MTCL3: variants seen among roughly 807,000 people sequenced by gnomAD.
MTCL3 encodes the protein MTCL family member 3.
At chr6:127,477,792 C>T in the MTCL3 span, among the ~76,000 whole-genome samples, 3 of 152,140 alleles carry the variant, frequency 2.0e-5, no homozygotes, top group Admixed American at 1.3e-4. Flanking sequence ...ATACTTATAT[C>T]AGTCCTTCAA....
the MTCL3 span, chr6:127,516,257 G>A: frequency 6.8e-7 from 1 of 1,468,256 alleles, no homozygotes; most frequent in Non-Finnish European, 8.9e-7. Context: ...CCAGCCACAG[G>A]CTGGACAGCT....
At chr6:127,487,177 T>C in the MTCL3 span, among the ~76,000 whole-genome samples, 1 of 152,172 alleles carries the variant, frequency 6.6e-6, no homozygotes, top group Non-Finnish European at 1.5e-5. Context: ...AGGATGCAAA[T>C]TAGCCAGTTT....
chr6:127,505,991 T>C, the MTCL3 span, among the ~76,000 whole-genome samples: 1 of 152,178 alleles, frequency 6.6e-6, no homozygotes, highest in Non-Finnish European at 1.5e-5. Context: ...AAATGATATA[T>C]TTATAGGAAG....
chr6:127,492,530 T>C, the MTCL3 span, among the ~76,000 whole-genome samples: 2 of 152,284 alleles, frequency 1.3e-5, no homozygotes, highest in South Asian at 4.1e-4. Context: ...CCAGAAATTT[T>C]TTATTTTTAA....
chr6:127,498,383 ATCATTTGATGCCCAG>A, the MTCL3 span, among the ~76,000 whole-genome samples: 1 of 152,216 alleles, frequency 6.6e-6, no homozygotes, highest in Non-Finnish European at 1.5e-5. Context: ...ACAATGATGT[ATCATTTGATGCCCAG>A]TGGACTAACA....
At chr6:127,507,217 C>T in the MTCL3 span, among the ~76,000 whole-genome samples, 115,550 of 152,124 alleles carry the variant, frequency 0.76, 44,336 homozygotes, top group Non-Finnish European at 0.81. Flanking sequence ...ATGTACTCAA[C>T]AGGAGATGCT....
the MTCL3 span, chr6:127,473,476 G>A: frequency 9.4e-7 from 1 of 1,064,652 alleles, no homozygotes; most frequent in South Asian, 1.8e-5. Flanking sequence ...AATTTAAGTA[G>A]TCATTCAACT....
At chr6:127,488,133 C>G in the MTCL3 span, among the ~76,000 whole-genome samples, 1 of 152,106 alleles carries the variant, frequency 6.6e-6, no homozygotes, top group Non-Finnish European at 1.5e-5. Context: ...TCAAACATAC[C>G]AAGTATGCCC....
chr6:127,483,874 A>G, the MTCL3 span, among the ~76,000 whole-genome samples: 1 of 152,190 alleles, frequency 6.6e-6, no homozygotes, highest in African/African-American at 2.4e-5. Flanking sequence ...TTGATTAGAT[A>G]CTGCATCTAC....
chr6:127,518,576 C>A, the MTCL3 span: 1 of 152,150 alleles, frequency 6.6e-6, no homozygotes, highest in South Asian at 2.1e-4. Flanking sequence ...AGAACTTGCT[C>A]ACTTCTCAGC....
the MTCL3 span, among the ~76,000 whole-genome samples, chr6:127,493,553 G>A: frequency 0.13 from 19,772 of 152,118 alleles, 2,114 homozygotes; most frequent in East Asian, 0.64. Context: ...GCATACAGAT[G>A]TTTATGTCAT....
At chr6:127,500,981 T>G in the MTCL3 span, among the ~76,000 whole-genome samples, 2 of 152,090 alleles carry the variant, frequency 1.3e-5, no homozygotes, top group Non-Finnish European at 2.9e-5. Flanking sequence ...CTGGCTAATT[T>G]TTTTGTATTT....
At chr6:127,481,200 G>T in the MTCL3 span, 1 of 657,488 alleles carries the variant, frequency 1.5e-6, no homozygotes, top group Non-Finnish European at 1.9e-6. Flanking sequence ...AACACAGGAA[G>T]TGTAAGAATA....
the MTCL3 span, among the ~76,000 whole-genome samples, chr6:127,490,743 G>A: frequency 6.3e-3 from 961 of 152,172 alleles, 11 homozygotes; most frequent in African/African-American, 0.022. Flanking sequence ...CTAGAACCCG[G>A]GATGCAGAGG....
the MTCL3 span, among the ~76,000 whole-genome samples, chr6:127,483,267 TG>T: frequency 6.6e-6 from 1 of 152,316 alleles, no homozygotes; most frequent in East Asian, 1.9e-4. Context: ...CAAAATTGAT[TG>T]TTGACTCAAT....
the MTCL3 span, among the ~76,000 whole-genome samples, chr6:127,512,697 A>G: frequency 6.6e-6 from 1 of 152,210 alleles, no homozygotes; most frequent in African/African-American, 2.4e-5. Context: ...CGAGTTAGAT[A>G]CCGTGTTTAG....
the MTCL3 span, among the ~76,000 whole-genome samples, chr6:127,501,763 ACTTCAAATGTCAT>A: frequency 6.6e-6 from 1 of 152,216 alleles, no homozygotes; most frequent in African/African-American, 2.4e-5. Flanking sequence ...CTAAATGACA[ACTTCAAATGTCAT>A]CTTCAAATGT....
At chr6:127,488,192 C>T in the MTCL3 span, among the ~76,000 whole-genome samples, 1 of 152,182 alleles carries the variant, frequency 6.6e-6, no homozygotes, top group East Asian at 1.9e-4. Flanking sequence ...AACATTCTTC[C>T]ATCATATACT....
At chr6:127,487,960 C>T in the MTCL3 span, among the ~76,000 whole-genome samples, 1 of 152,136 alleles carries the variant, frequency 6.6e-6, no homozygotes, top group Admixed American at 6.5e-5. Context: ...TCAAAGCTCC[C>T]AGAGTGACTA....
Sources: allele counts gnomAD v4.1 joint callset (sites outside exome capture counted in the v4.1 genomes callset), GRCh38; gene constraint gnomAD v4.1.1; transcripts MANE v1.5; gene names NCBI Gene and HGNC (gene_info 2026-07-23, HGNC 2026-07-21).